Variants in INO80D observed in about 807,000 individuals in gnomAD.
The protein encoded by INO80D is INO80 complex subunit D.
Under a neutral mutation model 87.6 loss-of-function variants are expected in INO80D, and 21 were observed. The ratio of observed to expected loss-of-function variants is 0.24; its 90% CI spans 0.17 to 0.35. The LOEUF (loss-of-function observed/expected upper bound fraction) is 0.35, where lower values mean the gene tolerates loss of function less well. INO80D is among the 10% of genes least tolerant of loss of function. The pLI, the probability that INO80D is intolerant of heterozygous loss-of-function variation, is 1.00. For synonymous variants in INO80D, 440 were observed against 491.0 expected (o/e 0.90, Z 1.37); for missense variants, 982 against 1,280.7 (o/e 0.77, Z 3.56).
At chr2:206,068,039 A>G (rs1175507086) in intron 1 of INO80D, among the ~76,000 whole-genome samples, 7 of 152,130 alleles carry the variant, frequency 4.6e-5, no homozygotes, top group South Asian at 2.1e-4. Flanking sequence ...GAATTTATCA[A>G]TTGAGTCTTT....
rs760164807 is a variant in INO80D, at chr2:206,005,043, C to T, written c.2409G>A (p.Leu803=). 6 of 1,613,944 alleles carry T rather than the reference C, an allele frequency of 3.7e-6. No homozygotes were observed. In the South Asian group the frequency reaches 5.5e-5, roughly 15 times the overall value. Residue 803 remains leucine (L), a synonymous_variant, in exon 11 of 11, where the codon CTG becomes CTA. Coordinates refer to ENST00000403263, the MANE Select transcript of INO80D (RefSeq NM_017759.5). The part of the protein sequence containing the change: ...ASQRPHPAQL[L]SKADDLITSR... ...AGGTGATTAGGTCATCTGCCTTGCTCAGCAGCTGGGCAGGATGTGGCCTCT... is the reference window on the plus strand; with the variant it reads ...AGGTGATTAGGTCATCTGCCTTGCTTAGCAGCTGGGCAGGATGTGGCCTCT...
intron 6 of INO80D, among the ~76,000 whole-genome samples, chr2:206,023,447 G>A (rs894407581): frequency 3.3e-5 from 5 of 151,984 alleles, no homozygotes; most frequent in Non-Finnish European, 7.4e-5. Flanking sequence ...ACTTTGGGAG[G>A]CCGGGGGAGG....
At chr2:206,084,273 A>ACACACACACACC (rs1553623578) in intron 1 of INO80D, among the ~76,000 whole-genome samples, 1 of 144,398 alleles carries the variant, frequency 6.9e-6, no homozygotes, top group Non-Finnish European at 1.5e-5. Flanking sequence ...ACACACACAC[A>ACACACACACACC]CCCCAAAACC....
intron 6 of INO80D, among the ~76,000 whole-genome samples, chr2:206,024,241 C>G (rs1035553015): frequency 2.0e-5 from 3 of 152,052 alleles, no homozygotes; most frequent in Non-Finnish European, 2.9e-5. Flanking sequence ...TAGGAACAAA[C>G]TTTTTCCTGT....
intron 8 of INO80D, among the ~76,000 whole-genome samples, chr2:206,013,253 C>T (rs1327597535): frequency 1.3e-5 from 2 of 152,024 alleles, no homozygotes; most frequent in Admixed American, 1.3e-4. Flanking sequence ...AAAGCATTCA[C>T]ATAATAATGG....
intron 5 of INO80D, among the ~76,000 whole-genome samples, chr2:206,044,951 T>C (rs1689156368): frequency 6.6e-6 from 1 of 152,118 alleles, no homozygotes; most frequent in African/African-American, 2.4e-5. Context: ...AAGAACCTGC[T>C]AATGGTAAGG....
Position 206,079,220 on chromosome 2 carries a change from GCA to G in INO80D, c.-124+6679_-124+6680del, listed in dbSNP as rs529608711. On this transcript the variant is annotated intron_variant, in intron 1 of 10. Transcript: ENST00000403263. Reference sequence around the variant, plus strand: ...CCTGAGTAGCTGGGACTACAAAAATGCACTACCACACCTGGCTAATTTTTGTA... The same window carrying G: ...CCTGAGTAGCTGGGACTACAAAAATGCTACCACACCTGGCTAATTTTTGTA... 6.6e-5 allele frequency among the ~76,000 whole-genome samples: 10 copies of G among 152,068 alleles called. No homozygotes were observed. The East Asian group carries it at 1.9e-3, about 30-fold the overall frequency.
chr2:206,050,496 G>GAAAAAAAAAAAAAA (rs3079265), intron 4 of INO80D, among the ~76,000 whole-genome samples: 6 of 99,544 alleles, frequency 6.0e-5, no homozygotes, highest in Non-Finnish European at 7.2e-5. Context: ...CGTCTCAAAA[G>GAAAAAAAAAAAAAA]AAAAAAAAAA....
rs1245489815 is a variant in INO80D at position 206,000,890 on chromosome 2, C to T, written c.*3478G>A. 5 of 152,202 alleles carry T rather than the reference C, an allele frequency of 3.3e-5. No homozygotes were observed. Among genetic ancestry groups the T allele is most frequent in the African/African-American group, 1.2e-4 (5 of 41,444 alleles). The allele number at this position is 152,202 out of a possible 1,614,324, so 9.4% of individuals were successfully genotyped here. Reference sequence around the variant, plus strand: ...GTTTCTGATTAAATTATAGTCTTCTCATAGAGGGGCACTAGACACACCACA... The same window carrying T: ...GTTTCTGATTAAATTATAGTCTTCTTATAGAGGGGCACTAGACACACCACA... On this transcript the variant is annotated 3_prime_UTR_variant, in exon 11 of 11. Transcript: ENST00000403263.
chr2:206,047,849 T>G (rs1027480889), intron 4 of INO80D, among the ~76,000 whole-genome samples: 1 of 113,624 alleles, frequency 8.8e-6, no homozygotes, highest in African/African-American at 2.7e-5. Flanking sequence ...GTTTCGGATT[T>G]CTTTCAATTT....
chr2:205,998,093 C>T lies in INO80D; in HGVS notation c.*6275G>A, dbSNP rs1379916289. 6 of 152,088 alleles carry T rather than the reference C, an allele frequency of 3.9e-5. No individual in the cohort carries two copies. Among genetic ancestry groups the T allele is most frequent in the Non-Finnish European group, 8.8e-5 (6 of 67,992 alleles). 9.4% of individuals were successfully genotyped at this position (152,088 alleles called of 1,614,324 possible). On this transcript the variant is annotated 3_prime_UTR_variant, in exon 11 of 11. Transcript: ENST00000403263. ...ATTTATTATTTTCTCTATTTTACTT[C>T]CCAACTTACAGAATAAACTGTAAAT... is the stretch of plus-strand genomic sequence containing the variant.
At position 205,996,734 on chromosome 2, in the gene INO80D, G is replaced by T. The variant is rs1575780872; in HGVS notation, c.*7634C>A. On this transcript the variant is annotated 3_prime_UTR_variant, in exon 11 of 11. Coordinates refer to ENST00000403263, the MANE Select transcript of INO80D (RefSeq NM_017759.5). ...ACAAGGCAAGTTCACATTCAGCAAA[G>T]TGCCACCACATCCCATATACACATC... is the stretch of plus-strand genomic sequence containing the variant. 1 of 152,064 alleles carries T rather than the reference G, an allele frequency of 6.6e-6. No individual in the cohort carries two copies. Among genetic ancestry groups the T allele is most frequent in the African/African-American group, 2.4e-5 (1 of 41,506 alleles). 9.4% of individuals were successfully genotyped at this position (152,064 alleles called of 1,614,324 possible). A position where few individuals can be genotyped will look rare whatever the true frequency, so the allele number is the denominator to read the frequency against.
At chr2:206,010,418 T>C (rs1482471474) in intron 8 of INO80D, among the ~76,000 whole-genome samples, 2 of 152,188 alleles carry the variant, frequency 1.3e-5, no homozygotes, top group Non-Finnish European at 1.5e-5. Flanking sequence ...TATAAAAATC[T>C]ATGTCTAAAT....
chr2:206,009,895 T>A, intron 8 of INO80D, 101 bp from the exon 9 acceptor site: 1 of 898,492 alleles, frequency 1.1e-6, no homozygotes, highest in South Asian at 1.8e-5. Context: ...ATATAATGCC[T>A]AAAACATACT....
intron 4 of INO80D, among the ~76,000 whole-genome samples, chr2:206,046,956 T>C (rs1689212164): frequency 6.6e-6 from 1 of 152,148 alleles, no homozygotes; most frequent in South Asian, 2.1e-4. Context: ...AATTTTTGTA[T>C]TTTTAGTAGA....
intron 1 of INO80D, among the ~76,000 whole-genome samples, chr2:206,070,148 C>T (rs112405804): frequency 2.0e-5 from 3 of 151,998 alleles, no homozygotes; most frequent in South Asian, 2.1e-4. Flanking sequence ...CAGTGGCTCA[C>T]GCCTGTAATC....
At chr2:206,054,394 T>C (rs946037954) in intron 4 of INO80D, among the ~76,000 whole-genome samples, 3 of 152,336 alleles carry the variant, frequency 2.0e-5, no homozygotes, top group South Asian at 4.1e-4. Flanking sequence ...ATTGTTTCTT[T>C]GCAGGTTTTT....
At chr2:206,059,412 A>C (rs1259686590) in intron 3 of INO80D, among the ~76,000 whole-genome samples, 1 of 152,046 alleles carries the variant, frequency 6.6e-6, no homozygotes, top group Non-Finnish European at 1.5e-5. Flanking sequence ...AGAACAGAGA[A>C]CCTATTTTTA....
chr2:206,057,515 G>A (rs745444036), intron 3 of INO80D, among the ~76,000 whole-genome samples: 2 of 152,134 alleles, frequency 1.3e-5, no homozygotes, highest in African/African-American at 2.4e-5. Context: ...ATAGCCAGAT[G>A]TAAGTACATG....
Sources: gnomAD v4.1 joint callset for allele counts (sites outside exome capture counted in the v4.1 genomes callset) on GRCh38, gnomAD v4.1.1 for gene constraint, MANE v1.5 for transcripts, NCBI Gene and HGNC (gene_info 2026-07-23, HGNC 2026-07-21) for gene names.